DLG2: variants seen among roughly 807,000 people sequenced by gnomAD.
DLG2 encodes the protein disks large homolog 2.
A neutral mutation model predicts 132.5 loss-of-function variants in DLG2; 45 were observed. That is an observed-to-expected ratio of 0.34 (90% CI 0.27 to 0.44). The LOEUF is 0.44. DLG2 is among the 20% of genes least tolerant of loss of function. DLG2 has a pLI of 1.00. For synonymous variants in DLG2, 424 were observed against 419.6 expected (o/e 1.01, Z -0.13); for missense variants, 1,045 against 1,196.9 (o/e 0.87, Z 1.87).
At position 83,568,806 on chromosome 11, in the gene DLG2, A is replaced by G. The variant is rs375362596; in HGVS notation, c.1941-26948T>C. 1.1e-4 allele frequency among the ~76,000 whole-genome samples: 16 copies of G among 152,324 alleles called. No homozygotes were observed. In the East Asian group the frequency reaches 2.9e-3, roughly 28 times the overall value. On this transcript the variant is annotated intron_variant, in intron 19 of 27. Transcript: ENST00000376104. ...TCCCAGGTTGTCATGAGTTCAGAAA[A>G]GATCATGGAAGGAAAAGGCTTTGTA...
intron 3 of DLG2, among the ~76,000 whole-genome samples, chr11:85,314,930 T>C (rs1373754318): frequency 6.6e-6 from 1 of 151,938 alleles, no homozygotes; most frequent in Non-Finnish European, 1.5e-5. Context: ...AGCCCACCAA[T>C]GGTTATTTCA....
intron 9 of DLG2, among the ~76,000 whole-genome samples, chr11:84,126,047 C>T (rs557012506): frequency 6.6e-6 from 1 of 152,130 alleles, no homozygotes; most frequent in Admixed American, 6.5e-5. Flanking sequence ...ACTTTGCCAT[C>T]TCTGAATATG....
Position 84,545,438 on chromosome 11 carries a change from A to G in DLG2, c.358-10707T>C. 8.7e-6 allele frequency: 4 copies of G among 458,350 alleles called. No homozygotes were observed. The Admixed American group carries it at 9.9e-5, about 11-fold the overall frequency. 28.4% of individuals were successfully genotyped at this position (458,350 alleles called of 1,614,324 possible). On this transcript the variant is annotated intron_variant, in intron 6 of 27. Transcript: ENST00000376104. Reference sequence around the variant, plus strand: ...TACTACGACCACTGAAGATTCCTCCACAATCATAGTTCATACCAAAACCAC... The same window carrying G: ...TACTACGACCACTGAAGATTCCTCCGCAATCATAGTTCATACCAAAACCAC...
At position 84,241,262 on chromosome 11, in the gene DLG2, A is replaced by G. The variant is rs576368331; in HGVS notation, c.573+9976T>C. Among the ~76,000 whole-genome samples the G allele has an allele frequency of 2.0e-5, 3 of 152,352 alleles. No homozygotes were observed. The South Asian group carries it at 6.2e-4, about 32-fold the overall frequency. On this transcript the variant is annotated intron_variant, in intron 8 of 27. Transcript: ENST00000376104. ...TTTCTGAGGTATAACTGTGGGAAAG[A>G]TAAAGCAATATTTTCTTTGTGCTTC...
At chr11:83,777,477 T>C (rs905637604) in intron 18 of DLG2, among the ~76,000 whole-genome samples, 2 of 152,238 alleles carry the variant, frequency 1.3e-5, no homozygotes, top group African/African-American at 4.8e-5. Context: ...ATCTTTAATG[T>C]CCTGAAATTG....
At chr11:85,587,447 A>G (rs1415658562) in intron 3 of DLG2, among the ~76,000 whole-genome samples, 1 of 152,158 alleles carries the variant, frequency 6.6e-6, no homozygotes, top group African/African-American at 2.4e-5. Flanking sequence ...TTATCATTAC[A>G]TAATGTCTCC....
At chr11:84,832,251 T>C (rs78280420) in intron 6 of DLG2, among the ~76,000 whole-genome samples, 1,999 of 151,748 alleles carry the variant, frequency 0.013, 50 homozygotes, top group African/African-American at 0.045. Flanking sequence ...AAATCTTTGG[T>C]CAGCACTAAT....
At chr11:85,274,686 G>C (rs574464340) in intron 4 of DLG2, among the ~76,000 whole-genome samples, 1 of 152,054 alleles carries the variant, frequency 6.6e-6, no homozygotes, top group African/African-American at 2.4e-5. Context: ...TCCCCAAGGT[G>C]GGTCATAAAA....
chr11:84,598,668 G>A (rs1016059271), intron 6 of DLG2, among the ~76,000 whole-genome samples: 3 of 151,962 alleles, frequency 2.0e-5, no homozygotes, highest in Non-Finnish European at 1.5e-5. Context: ...ACTCATGCCT[G>A]TAATCCCAGC....
chr11:85,551,232 T>C (rs1001976384), intron 3 of DLG2, among the ~76,000 whole-genome samples: 1 of 152,102 alleles, frequency 6.6e-6, no homozygotes, highest in African/African-American at 2.4e-5. Context: ...AAGGTCAATT[T>C]GTATTAGGTG....
chr11:85,176,765 A>G (rs2079280433), intron 4 of DLG2, among the ~76,000 whole-genome samples: 1 of 152,182 alleles, frequency 6.6e-6, no homozygotes, highest in African/African-American at 2.4e-5. Flanking sequence ...CAAATTTACA[A>G]GAAAAAACAA....
At chr11:85,144,776 CTATT>C (rs1255511217) in intron 5 of DLG2, among the ~76,000 whole-genome samples, 1 of 151,742 alleles carries the variant, frequency 6.6e-6, no homozygotes, top group Admixed American at 6.6e-5. Context: ...TTTATACTAT[CTATT>C]TCTTAGAAAT....
chr11:85,438,477 A>C (rs780904061), intron 3 of DLG2, among the ~76,000 whole-genome samples: 11 of 152,186 alleles, frequency 7.2e-5, no homozygotes, highest in African/African-American at 1.2e-4. Context: ...AAATATGTAT[A>C]TATCCATTAC....
chr11:84,240,267 G>A (rs2097209639), intron 8 of DLG2, among the ~76,000 whole-genome samples: 3 of 152,192 alleles, frequency 2.0e-5, no homozygotes. Flanking sequence ...ACCTTGTGGA[G>A]CAGCATAGAC....
In DLG2 at chr11:85,247,581, A is replaced by G. The variant is rs916416129; in HGVS notation, c.186+37639T>C. Among the ~76,000 whole-genome samples, 3 of 152,008 alleles carry G rather than the reference A, an allele frequency of 2.0e-5. 1 individual carries two copies. Among genetic ancestry groups the G allele is most frequent in the South Asian group, 4.2e-4 (2 of 4,806 alleles). On this transcript the variant is annotated intron_variant, in intron 4 of 27. Coordinates refer to ENST00000376104, the MANE Select transcript of DLG2 (RefSeq NM_001142699.3). ...GTAATTGAATAAAAAAAATTATTCA[A>G]TTTTCTTGTTGCTAGTCTACAGGCA... is the stretch of plus-strand genomic sequence containing the variant.
chr11:84,762,084 A>T (rs774174113), intron 6 of DLG2: 1 of 152,114 alleles, frequency 6.6e-6, no homozygotes, highest in Non-Finnish European at 1.5e-5. Context: ...AATATATATT[A>T]TTTTAATTAC....
rs2076515451 is a variant in DLG2 at position 83,669,728 on chromosome 11, CA to C, written c.1826-36404del. Among the ~76,000 whole-genome samples, 8 of 152,120 alleles carry C rather than the reference CA, an allele frequency of 5.3e-5. No homozygotes were observed. The South Asian group carries it at 1.7e-3, about 32-fold the overall frequency. On this transcript the variant is annotated intron_variant, in intron 18 of 27. Transcript: ENST00000376104. ...AGACAACTTTTCCAACCCTGAAAAACAAAGGAAAAAATTTAAGACAAACAAA... is the reference window on the plus strand; with the variant it reads ...AGACAACTTTTCCAACCCTGAAAAACAAGGAAAAAATTTAAGACAAACAAA...
chr11:84,532,719 AGTCCTG>A (rs2099345831), intron 7 of DLG2, among the ~76,000 whole-genome samples: 1 of 152,108 alleles, frequency 6.6e-6, no homozygotes, highest in Non-Finnish European at 1.5e-5. Context: ...CTGGTCTTGA[AGTCCTG>A]GGATCAGCGG....
intron 16 of DLG2, among the ~76,000 whole-genome samples, chr11:83,859,741 A>C (rs2061135696): frequency 6.6e-6 from 1 of 152,208 alleles, no homozygotes. Flanking sequence ...AAAATGTGGA[A>C]AATGTCTCCA....
Sources: gnomAD v4.1 joint callset for allele counts (sites outside exome capture counted in the v4.1 genomes callset) on GRCh38, gnomAD v4.1.1 for gene constraint, MANE v1.5 for transcripts, NCBI Gene and HGNC (gene_info 2026-07-23, HGNC 2026-07-21) for gene names.